Variants in BCL2 observed in about 807,000 individuals in gnomAD.
BCL2 encodes apoptosis regulator Bcl-2.
BCL2 carries 1 observed loss-of-function variant against 14.2 expected under a neutral mutation model. The ratio of observed to expected loss-of-function variants is 0.07; its 90% CI spans 0.02 to 0.33. The LOEUF is 0.33. Ranked by LOEUF, BCL2 falls within the 10% of genes least tolerant of loss-of-function variation. The pLI is 0.99. For synonymous variants in BCL2, 151 were observed against 137.2 expected (o/e 1.10, Z -0.70); for missense variants, 247 against 305.9 (o/e 0.81, Z 1.44).
At chr18:63,281,521 G>A (rs1476199278) in intron 2 of BCL2, among the ~76,000 whole-genome samples, 1 of 151,796 alleles carries the variant, frequency 6.6e-6, no homozygotes, top group Admixed American at 6.6e-5. Flanking sequence ...ACAAAAATTA[G>A]TTGGGCATGG....
intron 2 of BCL2, among the ~76,000 whole-genome samples, chr18:63,281,720 GAAAGAAAGAAAGA>G: frequency 7.9e-6 from 1 of 126,018 alleles, no homozygotes; most frequent in South Asian, 2.6e-4. Context: ...AAGAAAGAAA[GAAAGAAAGAAAGA>G]AAGAAAAAGA....
At chr18:63,246,492 G>A (rs1383763669) in intron 2 of BCL2, among the ~76,000 whole-genome samples, 1 of 152,144 alleles carries the variant, frequency 6.6e-6, no homozygotes, top group Non-Finnish European at 1.5e-5. Context: ...AACTTGTGCA[G>A]GCAAACTCCC....
At chr18:63,254,085 T>C (rs1911398059) in intron 2 of BCL2, among the ~76,000 whole-genome samples, 1 of 152,120 alleles carries the variant, frequency 6.6e-6, no homozygotes, top group Non-Finnish European at 1.5e-5. Flanking sequence ...ACAACTTGTT[T>C]TGAAAACATT....
At chr18:63,280,503 T>TA (rs970854588) in intron 2 of BCL2, among the ~76,000 whole-genome samples, 14 of 152,142 alleles carry the variant, frequency 9.2e-5, no homozygotes, top group Non-Finnish European at 2.1e-4. Context: ...AACCTGATTT[T>TA]AAAAAATCAA....
chr18:63,226,900 T>C (rs952548101), intron 2 of BCL2, among the ~76,000 whole-genome samples: 2 of 151,980 alleles, frequency 1.3e-5, no homozygotes, highest in African/African-American at 4.8e-5. Flanking sequence ...AATATACATA[T>C]AAAAGAGGAC....
intron 2 of BCL2, among the ~76,000 whole-genome samples, chr18:63,250,235 C>T (rs937377248): frequency 3.9e-5 from 6 of 152,196 alleles, no homozygotes. Flanking sequence ...CAAAGGAGAA[C>T]ATATAGTGAG....
intron 2 of BCL2, among the ~76,000 whole-genome samples, chr18:63,168,408 A>G (rs976937492): frequency 1.3e-5 from 2 of 152,208 alleles, no homozygotes; most frequent in African/African-American, 4.8e-5. Context: ...GACCACCAGC[A>G]GCTGCCACCT....
intron 2 of BCL2, among the ~76,000 whole-genome samples, chr18:63,197,112 G>T (rs1415651171): frequency 1.3e-5 from 2 of 152,220 alleles, no homozygotes; most frequent in Non-Finnish European, 2.9e-5. Context: ...CCCGAAATAG[G>T]TAAGAAAGTT....
intron 2 of BCL2, among the ~76,000 whole-genome samples, chr18:63,153,879 TGACTCTG>T (rs954704270): frequency 1.3e-5 from 2 of 152,234 alleles, no homozygotes; most frequent in Admixed American, 6.5e-5. Flanking sequence ...AAGACAATGA[TGACTCTG>T]GGAAGGGCAG....
chr18:63,252,155 T>C (rs1013606031), intron 2 of BCL2, among the ~76,000 whole-genome samples: 3 of 152,196 alleles, frequency 2.0e-5, no homozygotes, highest in Non-Finnish European at 4.4e-5. Context: ...ATTCTTAATA[T>C]CTTAAAAAAG....
intron 2 of BCL2, among the ~76,000 whole-genome samples, chr18:63,304,450 C>T (rs150565962): frequency 0.017 from 2,511 of 152,042 alleles, 41 homozygotes; most frequent in Non-Finnish European, 0.026. Flanking sequence ...AAAGAGGAGC[C>T]CAGTGTTATT....
chr18:63,229,598 T>C (rs1406629163), intron 2 of BCL2, among the ~76,000 whole-genome samples: 1 of 152,226 alleles, frequency 6.6e-6, no homozygotes, highest in Non-Finnish European at 1.5e-5. Flanking sequence ...TCTCTCTTAC[T>C]CCTTCTCTGG....
At chr18:63,300,764 T>C (rs969009032) in intron 2 of BCL2, among the ~76,000 whole-genome samples, 1 of 152,122 alleles carries the variant, frequency 6.6e-6, no homozygotes, top group African/African-American at 2.4e-5. Flanking sequence ...CCAGGAGCCG[T>C]AGAGATCTTT....
intron 2 of BCL2, among the ~76,000 whole-genome samples, chr18:63,312,549 A>G (rs536731402): frequency 1.3e-5 from 2 of 152,386 alleles, no homozygotes; most frequent in East Asian, 3.9e-4. Flanking sequence ...AACAGACCAC[A>G]AGCCCAAAAA....
chr18:63,159,933 C>A (rs1231771127), intron 2 of BCL2, among the ~76,000 whole-genome samples: 3 of 152,218 alleles, frequency 2.0e-5, no homozygotes, highest in African/African-American at 7.2e-5. Context: ...ATCGTGTCCA[C>A]TTTTTCTGGT....
chr18:63,303,426 T>C (rs1466257070), intron 2 of BCL2, among the ~76,000 whole-genome samples: 1 of 152,172 alleles, frequency 6.6e-6, no homozygotes, highest in Non-Finnish European at 1.5e-5. Flanking sequence ...GTAGGAAAGA[T>C]TTCACCTTCT....
At chr18:63,242,489 G>A (rs556402549) in intron 2 of BCL2, among the ~76,000 whole-genome samples, 2 of 152,328 alleles carry the variant, frequency 1.3e-5, no homozygotes, top group East Asian at 1.9e-4. Context: ...TGAGTATAGC[G>A]TAGGTGAGCA....
At chr18:63,218,940 C>T (rs890942102) in intron 2 of BCL2, among the ~76,000 whole-genome samples, 3 of 152,124 alleles carry the variant, frequency 2.0e-5, no homozygotes, top group African/African-American at 7.2e-5. Flanking sequence ...CTTTATATCT[C>T]TCCTGAACAC....
intron 2 of BCL2, among the ~76,000 whole-genome samples, chr18:63,303,642 T>G (rs1231481827): frequency 1.3e-5 from 2 of 152,186 alleles, no homozygotes; most frequent in African/African-American, 2.4e-5. Flanking sequence ...TTGCAGAACC[T>G]CTGTTTCCGC....
Sources: allele counts gnomAD v4.1 joint callset (sites outside exome capture counted in the v4.1 genomes callset), GRCh38; gene constraint gnomAD v4.1.1; transcripts MANE v1.5; gene names NCBI Gene and HGNC (gene_info 2026-07-23, HGNC 2026-07-21).